THSD7B: variants seen among roughly 807,000 people sequenced by gnomAD.
THSD7B encodes the protein thrombospondin type 1 domain containing 7B, also known as thrombospondin type-1 domain-containing protein 7B.
In THSD7B, 138 loss-of-function variants were observed where a neutral mutation model predicts 213.6. The ratio of observed to expected loss-of-function variants is 0.65; its 90% CI spans 0.56 to 0.74. The LOEUF (loss-of-function observed/expected upper bound fraction) is 0.74. THSD7B is among the 30% of genes least tolerant of loss of function. The pLI, the probability that THSD7B is intolerant of heterozygous loss-of-function variation, is 0.00. For synonymous variants in THSD7B, 742 were observed against 687.0 expected (o/e 1.08, Z -1.25); for missense variants, 1,931 against 1,991.5 (o/e 0.97, Z 0.58).
intron 3 of THSD7B, among the ~76,000 whole-genome samples, chr2:137,076,034 G>C (rs972700502): frequency 1.3e-5 from 2 of 152,204 alleles, no homozygotes; most frequent in Admixed American, 6.5e-5. Context: ...TCGGGGGTCA[G>C]GGACCCACTT....
At chr2:136,961,242 ATG>A (rs1685213465) in intron 2 of THSD7B, among the ~76,000 whole-genome samples, 1 of 117,558 alleles carries the variant, frequency 8.5e-6, no homozygotes, top group African/African-American at 3.4e-5. Flanking sequence ...TTTTTTTGAG[ATG>A]GAGTCTCACT....
chr2:137,284,088 G>T (rs1197963903), intron 12 of THSD7B, among the ~76,000 whole-genome samples: 1 of 152,158 alleles, frequency 6.6e-6, no homozygotes, highest in Middle Eastern at 3.4e-3. Context: ...CCTGTTATTG[G>T]TCTATTCAGA....
intron 14 of THSD7B, among the ~76,000 whole-genome samples, chr2:137,424,867 C>A (rs548313745): frequency 6.6e-6 from 1 of 151,960 alleles, no homozygotes; most frequent in South Asian, 2.1e-4. Flanking sequence ...GTCGGCAGAT[C>A]GAGACCATCC....
chr2:137,405,249 A>T (rs1281554699), intron 12 of THSD7B, among the ~76,000 whole-genome samples: 1 of 151,738 alleles, frequency 6.6e-6, no homozygotes, highest in Non-Finnish European at 1.5e-5. Context: ...ATTTTTTAAA[A>T]GTAGTTTCGT....
intron 2 of THSD7B, among the ~76,000 whole-genome samples, chr2:136,885,673 C>T (rs1301346688): frequency 6.6e-6 from 1 of 152,138 alleles, no homozygotes; most frequent in Non-Finnish European, 1.5e-5. Context: ...TAAAAAATTC[C>T]TCAGTTTTGG....
Position 136,898,221 on chromosome 2 carries a change from G to A in THSD7B, c.139+15904G>A, listed in dbSNP as rs376529569. 2.2e-4 allele frequency among the ~76,000 whole-genome samples: 34 copies of A among 152,296 alleles called. 1 individual carries two copies. The East Asian group carries it at 3.7e-3, about 16-fold the overall frequency. ...TCTCATCTCTTTAATTTCCTTCAGT[G>A]ATGTTTTATAAATTTTAGTGTATAA... On this transcript the variant is annotated intron_variant, in intron 2 of 27. Coordinates refer to ENST00000409968, the MANE Select transcript of THSD7B (RefSeq NM_001316349.2).
At chr2:137,290,243 C>A (rs541271219) in intron 12 of THSD7B, among the ~76,000 whole-genome samples, 48 of 151,904 alleles carry the variant, frequency 3.2e-4, no homozygotes, top group Non-Finnish European at 6.0e-4. Flanking sequence ...GCGTGTGCCA[C>A]CATGCCCGGC....
chr2:137,653,877 C>T (rs887789486), intron 21 of THSD7B, among the ~76,000 whole-genome samples: 1 of 151,930 alleles, frequency 6.6e-6, no homozygotes, highest in Non-Finnish European at 1.5e-5. Context: ...TGAATTCTAG[C>T]TCAGAGAGCT....
chr2:137,060,581 T>C (rs951175415), intron 3 of THSD7B, among the ~76,000 whole-genome samples: 4 of 151,994 alleles, frequency 2.6e-5, no homozygotes, highest in African/African-American at 9.7e-5. Context: ...AAGATTATTA[T>C]ATGTTCAGTT....
intron 12 of THSD7B, among the ~76,000 whole-genome samples, chr2:137,391,488 G>T (rs2104979149): frequency 6.6e-6 from 1 of 152,156 alleles, no homozygotes; most frequent in African/African-American, 2.4e-5. Flanking sequence ...AGGGATTCGA[G>T]ACCAGCCTGG....
At chr2:137,600,902 G>A (rs1445512767) in intron 17 of THSD7B, among the ~76,000 whole-genome samples, 1 of 152,122 alleles carries the variant, frequency 6.6e-6, no homozygotes, top group Non-Finnish European at 1.5e-5. Context: ...GTGGAAGACA[G>A]CAAAATTGAT....
At chr2:137,066,868 A>C (rs760715923) in intron 3 of THSD7B, among the ~76,000 whole-genome samples, 13 of 151,958 alleles carry the variant, frequency 8.6e-5, no homozygotes, top group South Asian at 8.3e-4. Context: ...TAGTTCTTGG[A>C]TAGTCTTTTA....
chr2:136,977,814 T>TG (rs1685508516), intron 2 of THSD7B, among the ~76,000 whole-genome samples: 4 of 140,858 alleles, frequency 2.8e-5, no homozygotes, highest in Non-Finnish European at 3.0e-5. Flanking sequence ...TTTTTTTTTT[T>TG]TTTTTTTTAA....
At chr2:137,453,277 T>C (rs1242591344) in intron 15 of THSD7B, among the ~76,000 whole-genome samples, 1 of 151,422 alleles carries the variant, frequency 6.6e-6, no homozygotes, top group Non-Finnish European at 1.5e-5. Context: ...AGTTAACATA[T>C]CAATTACCTC....
chr2:137,379,460 C>A (rs140205509), intron 12 of THSD7B, among the ~76,000 whole-genome samples: 4 of 152,182 alleles, frequency 2.6e-5, no homozygotes, highest in Non-Finnish European at 5.9e-5. Flanking sequence ...CATAAGTACA[C>A]ACTTTCCTCA....
chr2:137,110,611 T>A (rs1688331152), intron 4 of THSD7B, among the ~76,000 whole-genome samples: 1 of 152,178 alleles, frequency 6.6e-6, no homozygotes, highest in Non-Finnish European at 1.5e-5. Context: ...CAGGGAGCAA[T>A]GTTGGGAATT....
intron 5 of THSD7B, among the ~76,000 whole-genome samples, chr2:137,149,502 G>C (rs1406767757): frequency 6.6e-6 from 1 of 152,184 alleles, no homozygotes; most frequent in Non-Finnish European, 1.5e-5. Context: ...CCTGTTCTCT[G>C]TACCTGGAAA....
Position 137,663,566 on chromosome 2 carries a change from C to T in THSD7B, c.4642C>T (p.Leu1548Phe). ...TTTTAAAGGATGGTCTCTTCAACCA[C>T]TTGATCCAGGTGAGTTTCAGTTGTG... ...DIFKGWSLQP[L>F]DPDGRVKIWV... The change falls in exon 26 of 28, where the codon CTT becomes TTT. Residue 1548 changes from leucine to phenylalanine, a missense_variant. Coordinates refer to ENST00000409968, the MANE Select transcript of THSD7B (RefSeq NM_001316349.2). The T allele has an allele frequency of 2.5e-6, 4 of 1,605,310 alleles. No individual in the cohort carries two copies. Among genetic ancestry groups the T allele is most frequent in the Non-Finnish European group, 3.4e-6 (4 of 1,175,556 alleles).
intron 14 of THSD7B, among the ~76,000 whole-genome samples, chr2:137,436,603 G>C (rs1414598854): frequency 1.3e-5 from 2 of 152,046 alleles, no homozygotes; most frequent in Non-Finnish European, 2.9e-5. Flanking sequence ...CAATTAGCAA[G>C]CCTTCATTCA....
Sources: gnomAD v4.1 joint callset for allele counts (sites outside exome capture counted in the v4.1 genomes callset) on GRCh38, gnomAD v4.1.1 for gene constraint, MANE v1.5 for transcripts, NCBI Gene and HGNC (gene_info 2026-07-23, HGNC 2026-07-21) for gene names.